Variants in HDAC7 observed in about 807,000 individuals in gnomAD.
The protein encoded by HDAC7 is histone deacetylase 7.
In HDAC7, 26 loss-of-function variants were observed where a neutral mutation model predicts 115.5. The observed-to-expected ratio is 0.23, with a 90% CI of 0.16 to 0.31. The LOEUF is 0.31. Among genes scored for constraint, HDAC7 ranks in the 10% least tolerant of loss-of-function variants. HDAC7 has a pLI of 1.00. For synonymous variants in HDAC7, 564 were observed against 550.9 expected, an observed-to-expected ratio of 1.02 and a Z score of -0.33; for missense variants, 1,068 against 1,329.0, an observed-to-expected ratio of 0.80 and a Z score of 3.05.
rs1297555661 is a variant in HDAC7, at chr12:47,783,326, G to A, written c.*515C>T. On this transcript the variant is annotated 3_prime_UTR_variant, in exon 26 of 26. Coordinates refer to ENST00000080059, the MANE Select transcript of HDAC7 (RefSeq NM_015401.5). ...GAAGCTTCCAGAGTCGTCTGAGGAA[G>A]CAGGTGAGAGGGACTACCCCTGCAC... The A allele has an allele frequency of 6.3e-6, 1 of 157,488 alleles. No homozygotes were observed. The highest frequency in any genetic ancestry group is 1.8e-4 in the East Asian group (1 of 5,414). The allele number at this position is 157,488 out of a possible 1,614,324, so 9.8% of individuals were successfully genotyped here. A position where few individuals can be genotyped will look rare whatever the true frequency, so the allele number is the denominator to read the frequency against.
At chr12:47,791,533 G>C in intron 15 of HDAC7, 53 bp downstream of exon 15, 2 of 1,564,954 alleles carry the variant, frequency 1.3e-6, no homozygotes, top group South Asian at 2.3e-5. Context: ...AGGAGTGCAT[G>C]GGAGCTGGGT....
Position 47,793,621 on chromosome 12 carries a change from T to C in HDAC7, c.1459-33A>G, listed in dbSNP as rs1362138392. The C allele has an allele frequency of 6.7e-7, 1 of 1,488,948 alleles. No homozygotes were observed. The highest frequency in any genetic ancestry group is 1.2e-5 in the South Asian group (1 of 80,354). 92.2% of individuals were successfully genotyped at this position (1,488,948 alleles called of 1,614,324 possible). On this transcript the variant is annotated intron_variant, in intron 12 of 25. Transcript: ENST00000080059. This position sits in a 1 kb window ranked among gnomAD's most constrained non-coding sequence, Gnocchi z 4.5. ...AAAGATGGGGCCTTGGTCTCCAGTG[T>C]TTCAGGGTCCTGCTCCCTCTACTTC... is the stretch of plus-strand genomic sequence containing the variant.
Position 47,792,777 on chromosome 12 carries a change from A to T in HDAC7, c.1678+592T>A, listed in dbSNP as rs567479066. ...AGGGATCCCTCAGTAAAAATGAAAT[A>T]CATTAATGAAATACTATGAGACTCT... is the stretch of plus-strand genomic sequence containing the variant. On this transcript the variant is annotated intron_variant, in intron 13 of 25. Coordinates refer to ENST00000080059, the MANE Select transcript of HDAC7 (RefSeq NM_015401.5). 1.9e-3 allele frequency: 833 copies of T among 429,268 alleles called. 2 individuals are homozygous for T. The highest frequency in any genetic ancestry group is 4.9e-3 in the Middle Eastern group (14 of 2,838). The allele number at this position is 429,268 out of a possible 1,614,324, so 26.6% of individuals were successfully genotyped here.
chr12:47,786,258 G>C (rs1351392622), intron 22 of HDAC7, among the ~76,000 whole-genome samples: 1 of 152,184 alleles, frequency 6.6e-6, no homozygotes, highest in Non-Finnish European at 1.5e-5. Flanking sequence ...CCTTCCTCTG[G>C]AGGAGCTGCC....
intron 1 of HDAC7, among the ~76,000 whole-genome samples, chr12:47,810,804 GTCTCTCTCTCTCTCTCTCTCTCTC>G (rs60132211): frequency 6.8e-5 from 9 of 131,590 alleles, no homozygotes; most frequent in African/African-American, 2.7e-4. Flanking sequence ...GGAGGAAAAG[GTCTCTCTCTCTCTCTCTCTCTCTC>G]TCTCTCTCTC....
chr12:47,811,516 T>C (rs1248648922), intron 1 of HDAC7, among the ~76,000 whole-genome samples: 7 of 152,216 alleles, frequency 4.6e-5, no homozygotes, highest in Non-Finnish European at 8.8e-5. Flanking sequence ...TTCATAAAAA[T>C]TACAACACAT....
intron 1 of HDAC7, among the ~76,000 whole-genome samples, chr12:47,811,539 G>A (rs181989594): frequency 2.6e-5 from 4 of 152,258 alleles, no homozygotes; most frequent in South Asian, 2.1e-4. Context: ...AGACACATAC[G>A]GAAATGGAAA....
intron 16 of HDAC7, 72 bp from the exon 17 acceptor site, chr12:47,789,992 C>A: frequency 4.3e-6 from 5 of 1,164,616 alleles, no homozygotes; most frequent in Non-Finnish European, 6.4e-6. Context: ...GGGGGTGGTC[C>A]CCACCCCACG....
At chr12:47,791,818 T>G in intron 14 of HDAC7, 53 bp downstream of exon 14, 1 of 481,306 alleles carries the variant, frequency 2.1e-6, no homozygotes, top group Non-Finnish European at 2.9e-6. Context: ...ACCCCTCCCC[T>G]CCCATGACTC....
At position 47,797,409 on chromosome 12, in the gene HDAC7, T is replaced by C. The variant is rs1565566119; in HGVS notation, c.552A>G (p.Pro184=). The change falls in exon 6 of 26, where the codon CCA becomes CCG. Residue 184 remains proline (P), a synonymous_variant. Transcript: ENST00000080059. This position sits in a 1 kb window ranked among gnomAD's most constrained non-coding sequence, Gnocchi z 5.5. ...PPVPSLPSDP[P]EHFPLRKTVS... ...CTGTCTTGCGCAGAGGGAAGTGCTC[T>C]GGGGGGTCACTGGGCAGGCTGGGAA... The C allele has an allele frequency of 1.2e-6, 2 of 1,614,014 alleles. No individual in the cohort carries two copies. The highest frequency in any genetic ancestry group is 2.2e-5 in the East Asian group (1 of 44,886).
At chr12:47,791,201 C>A in intron 16 of HDAC7, 58 bp downstream of exon 16, 1 of 1,478,956 alleles carries the variant, frequency 6.8e-7, no homozygotes, top group Non-Finnish European at 9.3e-7. Context: ...GGGAGAACCA[C>A]AGGGAGGAGA....
chr12:47,807,870 C>T (rs1051000896), intron 1 of HDAC7, among the ~76,000 whole-genome samples: 1 of 152,234 alleles, frequency 6.6e-6, no homozygotes, highest in African/African-American at 2.4e-5. Flanking sequence ...AGCTCCAACT[C>T]CCCTGCTCTC....
intron 13 of HDAC7, chr12:47,792,670 C>G (rs1186555235): frequency 2.2e-6 from 1 of 455,942 alleles, no homozygotes; most frequent in Non-Finnish European, 4.4e-6. Flanking sequence ...TAGAGTGAAC[C>G]TTGGGAAATA....
chr12:47,783,918 G>A, intron 25 of HDAC7, 32 bp from the exon 26 acceptor site: 2 of 1,612,940 alleles, frequency 1.2e-6, no homozygotes, highest in Non-Finnish European at 8.5e-7. Flanking sequence ...GGATGCTGGA[G>A]CACCAGGGCT....
chr12:47,787,036 C>T (rs921921373), intron 21 of HDAC7, among the ~76,000 whole-genome samples: 2 of 152,100 alleles, frequency 1.3e-5, no homozygotes, highest in Non-Finnish European at 2.9e-5. Flanking sequence ...GTGCAGTGGC[C>T]GGAGCCACAG....
intron 24 of HDAC7, 193 bp downstream of exon 24, chr12:47,785,194 G>T (rs3815135): frequency 2.4e-5 from 14 of 585,768 alleles, no homozygotes; most frequent in Non-Finnish European, 3.0e-5. Flanking sequence ...GCTCCATCGG[G>T]GGGGCTCAGA....
chr12:47,805,952 C>T (rs957568736), intron 1 of HDAC7, among the ~76,000 whole-genome samples: 4 of 152,190 alleles, frequency 2.6e-5, no homozygotes, highest in African/African-American at 9.7e-5. Context: ...AGCCTGCAGC[C>T]TTAAACATAT....
rs1318725797 is a variant in HDAC7, at chr12:47,795,055, GCC to G, written c.1285-124_1285-123del. On this transcript the variant is annotated intron_variant, in intron 11 of 25. Transcript: ENST00000080059. This position sits in a 1 kb window ranked among gnomAD's most constrained non-coding sequence, Gnocchi z 4.3. Reference sequence around the variant, plus strand: ...GACTCCAGCTGCCATGCAGCTCTGGGCCCCAAGAAGCCACATCCCCCTCTTTT... The same window carrying G: ...GACTCCAGCTGCCATGCAGCTCTGGGCCAAGAAGCCACATCCCCCTCTTTT... 3 of 1,313,540 alleles carry G rather than the reference GCC, an allele frequency of 2.3e-6. No individual in the cohort carries two copies. Among genetic ancestry groups the G allele is most frequent in the Non-Finnish European group, 2.1e-6 (2 of 940,650 alleles). The allele number at this position is 1,313,540 out of a possible 1,614,324, so 81.4% of individuals were successfully genotyped here.
chr12:47,816,563 A>AGT (rs959746278), intron 1 of HDAC7, among the ~76,000 whole-genome samples: 4 of 152,212 alleles, frequency 2.6e-5, no homozygotes, highest in African/African-American at 9.6e-5. Flanking sequence ...CCACGCACCC[A>AGT]GTGTGTGCTC....
Sources: allele counts gnomAD v4.1 joint callset (sites outside exome capture counted in the v4.1 genomes callset), GRCh38; gene constraint gnomAD v4.1.1; non-coding constraint Gnocchi (gnomAD v3.1); transcripts MANE v1.5; gene names NCBI Gene and HGNC (gene_info 2026-07-23, HGNC 2026-07-21).